Variants in PCDHGA1 observed in about 807,000 individuals in gnomAD.
PCDHGA1 encodes the protein protocadherin gamma-A1.
In PCDHGA1, 32 loss-of-function variants were observed where a neutral mutation model predicts 58.0. That is an observed-to-expected ratio of 0.55 (90% CI 0.42 to 0.74). The LOEUF (loss-of-function observed/expected upper bound fraction) is 0.74, where lower values mean the gene tolerates loss of function less well. Ranked by LOEUF, PCDHGA1 falls within the 30% of genes least tolerant of loss-of-function variation. PCDHGA1 has a pLI of 0.00. For synonymous variants in PCDHGA1, 498 were observed against 501.1 expected (o/e 0.99, Z 0.08); for missense variants, 1,205 against 1,182.3 (o/e 1.02, Z -0.28).
At chr5:141,342,245 T>C (rs1757140133) in intron 1 of PCDHGA1, 1 of 152,204 alleles carries the variant, frequency 6.6e-6, no homozygotes, top group South Asian at 2.1e-4. Flanking sequence ...AACCAACTTC[T>C]TTATACATCT....
At chr5:141,448,887 G>T (rs1160586933) in intron 1 of PCDHGA1, among the ~76,000 whole-genome samples, 1 of 152,172 alleles carries the variant, frequency 6.6e-6, no homozygotes, top group East Asian at 1.9e-4. Flanking sequence ...GGAGCTTGCA[G>T]TGAGCCGAGA....
chr5:141,445,708 G>A (rs2098475030), intron 1 of PCDHGA1, among the ~76,000 whole-genome samples: 1 of 152,168 alleles, frequency 6.6e-6, no homozygotes, highest in African/African-American at 2.4e-5. Flanking sequence ...AAATTGTCAG[G>A]CAGAGGAAAT....
intron 1 of PCDHGA1, among the ~76,000 whole-genome samples, chr5:141,352,902 C>T (rs1561504413): frequency 6.6e-6 from 1 of 152,122 alleles, no homozygotes; most frequent in Non-Finnish European, 1.5e-5. Flanking sequence ...ACAGGAGGAT[C>T]GCTTGAGCCC....
intron 1 of PCDHGA1, chr5:141,410,053 C>T: frequency 6.2e-7 from 1 of 1,613,160 alleles, no homozygotes; most frequent in African/African-American, 1.3e-5. Context: ...CCGGACTCTT[C>T]AGCCTGGGGC....
rs1242637725 is a variant in PCDHGA1 at position 141,432,619 on chromosome 5, T to G, written c.2422-62188T>G. 3.1e-6 allele frequency: 5 copies of G among 1,612,618 alleles called. No homozygotes were observed. The highest frequency in any genetic ancestry group is 1.7e-5 in the Admixed American group (1 of 59,934). On this transcript the variant is annotated intron_variant, in intron 1 of 3. Transcript: ENST00000517417. This position sits in a 1 kb window ranked among gnomAD's most constrained non-coding sequence, Gnocchi z 6.0. ...GCGAGCCGGGACTCTTCTCGGTGGG[T>G]CTGCACACGGGCGAGGTGCGCACGG... is the stretch of plus-strand genomic sequence containing the variant.
At chr5:141,399,732 G>C (rs1270192367) in intron 1 of PCDHGA1, 27 of 1,613,174 alleles carry the variant, frequency 1.7e-5, no homozygotes, top group Non-Finnish European at 2.0e-5. Context: ...ACCAGGGCTC[G>C]CCTGCGCTCA....
At position 141,490,328 on chromosome 5, in the gene PCDHGA1, C is replaced by T; in HGVS notation, c.2422-4479C>T. 2 of 1,614,228 alleles carry T rather than the reference C, an allele frequency of 1.2e-6. No homozygotes were observed. Among genetic ancestry groups the T allele is most frequent in the Non-Finnish European group, 1.7e-6 (2 of 1,180,048 alleles). Reference sequence around the variant, plus strand: ...TTGGCCAACCCTGTCCTAGAGAGCACACCAGTGGGCACAGTAGTGGGGTTG... The same window carrying T: ...TTGGCCAACCCTGTCCTAGAGAGCATACCAGTGGGCACAGTAGTGGGGTTG... On this transcript the variant is annotated intron_variant, in intron 1 of 3. Coordinates refer to ENST00000517417, the MANE Select transcript of PCDHGA1 (RefSeq NM_018912.3). The surrounding 1 kb of genome is among the most constrained non-coding windows in gnomAD (Gnocchi z 5.4).
Position 141,453,588 on chromosome 5 carries a change from CTG to C in PCDHGA1, c.2422-41215_2422-41214del, listed in dbSNP as rs572244169. ...TTCATTAGTTTGTGGTTTATCCTCA[CTG>C]TGTTTCTTTTTGCAAAACGCAAAAA... On this transcript the variant is annotated intron_variant, in intron 1 of 3. Coordinates refer to ENST00000517417, the MANE Select transcript of PCDHGA1 (RefSeq NM_018912.3). Among the ~76,000 whole-genome samples the C allele has an allele frequency of 5.9e-5, 9 of 152,296 alleles. No individual in the cohort carries two copies. In the South Asian group the frequency reaches 1.5e-3, roughly 25 times the overall value.
intron 2 of PCDHGA1, among the ~76,000 whole-genome samples, chr5:141,497,621 C>T (rs769483223): frequency 7.3e-5 from 11 of 151,482 alleles, no homozygotes; most frequent in Non-Finnish European, 1.3e-4. Flanking sequence ...CTCACTGCAA[C>T]CTCTGCCTGC....
chr5:141,469,499 C>T lies in PCDHGA1; in HGVS notation c.2422-25308C>T, dbSNP rs1023274165. Among the ~76,000 whole-genome samples, 22 of 152,128 alleles carry T rather than the reference C, an allele frequency of 1.4e-4. 1 individual carries two copies. The highest frequency in any genetic ancestry group is 3.9e-4 in the African/African-American group (16 of 41,510). On this transcript the variant is annotated intron_variant, in intron 1 of 3. Coordinates refer to ENST00000517417, the MANE Select transcript of PCDHGA1 (RefSeq NM_018912.3). ...CTGAGGCAGGAGAATCGCTTGAACC[C>T]GGGAGGTGGAGGTTGCAGTGAGCCA...
intron 1 of PCDHGA1, chr5:141,382,984 G>A: frequency 6.2e-7 from 1 of 1,613,132 alleles, no homozygotes; most frequent in Non-Finnish European, 8.5e-7. Context: ...AGCCTGGGCA[G>A]GACGTATTCT....
chr5:141,413,737 A>AC, intron 1 of PCDHGA1: 1 of 1,613,410 alleles, frequency 6.2e-7, no homozygotes, highest in Non-Finnish European at 8.5e-7. Flanking sequence ...AAGAGTTCAG[A>AC]GCCGTGCCAA....
chr5:141,341,467 T>C lies in PCDHGA1; in HGVS notation c.2421+8362T>C, dbSNP rs771747836. On this transcript the variant is annotated intron_variant, in intron 1 of 3. Coordinates refer to ENST00000517417, the MANE Select transcript of PCDHGA1 (RefSeq NM_018912.3). ...AATTCACTTACTTGTTTACTATATCTATTTTGTTCCCCATATTTCCTTGAG... is the reference window on the plus strand; with the variant it reads ...AATTCACTTACTTGTTTACTATATCCATTTTGTTCCCCATATTTCCTTGAG... The C allele has an allele frequency of 1.4e-5, 23 of 1,593,896 alleles. No homozygotes were observed. In the Admixed American group the frequency reaches 3.5e-4, roughly 24 times the overall value.
At chr5:141,462,335 A>G in intron 1 of PCDHGA1, among the ~76,000 whole-genome samples, 1 of 152,220 alleles carries the variant, frequency 6.6e-6, no homozygotes, top group East Asian at 1.9e-4. Context: ...ATTTAATTGT[A>G]TTGTGATCCA....
At chr5:141,405,018 T>C (rs1413977666) in intron 1 of PCDHGA1, 5 of 1,613,834 alleles carry the variant, frequency 3.1e-6, no homozygotes, top group African/African-American at 2.7e-5. Context: ...GCCTCAGACC[T>C]TACCCTCTAC....
intron 1 of PCDHGA1, chr5:141,346,243 G>C (rs1319701381): frequency 1.2e-6 from 2 of 1,614,208 alleles, no homozygotes; most frequent in South Asian, 1.1e-5. Context: ...AGTACGCCCG[G>C]CTCGCACTTT....
chr5:141,364,066 A>C (rs776023906), intron 1 of PCDHGA1, among the ~76,000 whole-genome samples: 1 of 152,216 alleles, frequency 6.6e-6, no homozygotes, highest in Non-Finnish European at 1.5e-5. Flanking sequence ...ATTATAACTA[A>C]ACTTAGGAGA....
intron 1 of PCDHGA1, chr5:141,371,738 C>T: frequency 1.2e-6 from 2 of 1,614,052 alleles, no homozygotes; most frequent in Non-Finnish European, 1.7e-6. Context: ...TCAACGACAA[C>T]GTTCCCGTTT....
chr5:141,388,324 A>G, intron 1 of PCDHGA1: 1 of 1,613,978 alleles, frequency 6.2e-7, no homozygotes, highest in Non-Finnish European at 8.5e-7. Context: ...GAGTCTGCAC[A>G]GCCTGGCACA....
Sources: gnomAD v4.1 joint callset for allele counts (sites outside exome capture counted in the v4.1 genomes callset) on GRCh38, gnomAD v4.1.1 for gene constraint, Gnocchi (gnomAD v3.1) non-coding constraint, MANE v1.5 for transcripts, NCBI Gene and HGNC (gene_info 2026-07-23, HGNC 2026-07-21) for gene names.